SPAG16: variants seen among roughly 807,000 people sequenced by gnomAD.
The protein encoded by SPAG16 is sperm associated antigen 16.
In SPAG16, 86 loss-of-function variants were observed where a neutral mutation model predicts 80.4. The observed-to-expected ratio is 1.07, with a 90% CI of 0.90 to 1.28. SPAG16 has a LOEUF of 1.28. Ranked by LOEUF, SPAG16 falls within the 50% of genes most tolerant of loss-of-function variation. The pLI, the probability that SPAG16 is intolerant of heterozygous loss-of-function variation, is 0.00. For synonymous variants in SPAG16, 294 were observed against 265.9 expected (o/e 1.11, Z -1.03); for missense variants, 870 against 765.3 (o/e 1.14, Z -1.61).
At chr2:213,710,284 TAA>T (rs879808085) in intron 10 of SPAG16, among the ~76,000 whole-genome samples, 14 of 138,234 alleles carry the variant, frequency 1.0e-4, no homozygotes, top group Non-Finnish European at 1.4e-4. Context: ...AATCTGTCTT[TAA>T]AAAAAAAAAA....
At chr2:213,353,002 A>T (rs1039387926) in intron 7 of SPAG16, among the ~76,000 whole-genome samples, 3 of 152,190 alleles carry the variant, frequency 2.0e-5, no homozygotes, top group African/African-American at 7.2e-5. Flanking sequence ...TTCAAATGGC[A>T]TGCCCTTTTT....
At chr2:214,154,877 CA>C (rs1385428979) in intron 15 of SPAG16, among the ~76,000 whole-genome samples, 8 of 151,908 alleles carry the variant, frequency 5.3e-5, no homozygotes, top group Non-Finnish European at 1.2e-4. Context: ...TTGAAAGAAA[CA>C]AAAATGTATG....
chr2:213,403,704 C>T (rs1293932855), intron 9 of SPAG16, among the ~76,000 whole-genome samples: 1 of 152,062 alleles, frequency 6.6e-6, no homozygotes, highest in African/African-American at 2.4e-5. Flanking sequence ...AAGTTCTGGC[C>T]AGGGCAATCA....
At position 214,252,764 on chromosome 2, in the gene SPAG16, G is replaced by A. The variant is rs371034923; in HGVS notation, c.1720+103498G>A. The stretch of plus-strand genomic sequence containing the variant: ...AGTGCCGCAATAAACATAAGTGTGC[G>A]TGTGTCTTTATAGTAGAATGATTTA... On this transcript the variant is annotated intron_variant, in intron 15 of 15. Transcript: ENST00000331683. 5.6e-4 allele frequency among the ~76,000 whole-genome samples: 85 copies of A among 152,042 alleles called. 1 individual carries two copies. Among genetic ancestry groups the A allele is most frequent in the African/African-American group, 1.5e-3 (62 of 41,504 alleles).
intron 10 of SPAG16, among the ~76,000 whole-genome samples, chr2:213,743,320 C>T (rs1485399156): frequency 6.6e-6 from 1 of 152,152 alleles, no homozygotes; most frequent in East Asian, 1.9e-4. Context: ...AGAACAATGC[C>T]TGGCCCCTAT....
chr2:213,541,113 C>T (rs1006390694), intron 10 of SPAG16, among the ~76,000 whole-genome samples: 3 of 152,168 alleles, frequency 2.0e-5, no homozygotes, highest in Admixed American at 6.5e-5. Flanking sequence ...TTTTTTGACA[C>T]TTCTGTCATT....
chr2:213,422,211 A>T (rs2069638340), intron 9 of SPAG16: 1 of 701,412 alleles, frequency 1.4e-6, no homozygotes, highest in Non-Finnish European at 2.6e-6. Context: ...CAGTGCTGTG[A>T]CACCCTCTTT....
At chr2:214,235,198 C>A (rs1412580428) in intron 15 of SPAG16, among the ~76,000 whole-genome samples, 1 of 152,036 alleles carries the variant, frequency 6.6e-6, no homozygotes, top group African/African-American at 2.4e-5. Flanking sequence ...TTAATAGCAA[C>A]CTAAGTCCAA....
intron 15 of SPAG16, among the ~76,000 whole-genome samples, chr2:214,317,213 C>T (rs192701031): frequency 1.5e-4 from 23 of 152,194 alleles, no homozygotes; most frequent in African/African-American, 5.5e-4. Flanking sequence ...ATTTTCTGAC[C>T]AAGGTCACAC....
In SPAG16 at chr2:214,141,830, CAT is replaced by C. The variant is rs1194414879; in HGVS notation, c.1594-7309_1594-7308del. Among the ~76,000 whole-genome samples the C allele has an allele frequency of 4.6e-5, 7 of 152,270 alleles. No individual in the cohort carries two copies. In the East Asian group the frequency reaches 1.2e-3, roughly 25 times the overall value. Reference sequence around the variant, plus strand: ...ATATCTCTTCGTCCATAATATCCCACATTTTTCATTACACTCTGTTTAGGTGC... The same window carrying C: ...ATATCTCTTCGTCCATAATATCCCACTTTTCATTACACTCTGTTTAGGTGC... On this transcript the variant is annotated intron_variant, in intron 14 of 15. Transcript: ENST00000331683.
chr2:213,631,766 G>T (rs2062160687), intron 10 of SPAG16, among the ~76,000 whole-genome samples: 2 of 152,108 alleles, frequency 1.3e-5, no homozygotes, highest in African/African-American at 2.4e-5. Context: ...TATGTTCTTG[G>T]CACCTTTGTC....
chr2:214,371,574 T>C (rs1699818858), intron 15 of SPAG16, among the ~76,000 whole-genome samples: 1 of 151,738 alleles, frequency 6.6e-6, no homozygotes, highest in African/African-American at 2.4e-5. Flanking sequence ...TCATTAGTAT[T>C]TGCTTGGTTT....
At chr2:213,651,247 G>T (rs552958534) in intron 10 of SPAG16, among the ~76,000 whole-genome samples, 22 of 152,190 alleles carry the variant, frequency 1.4e-4, no homozygotes, top group Admixed American at 1.3e-3. Context: ...GCTGATTTTG[G>T]ATTTGATACT....
chr2:213,362,095 G>T lies in SPAG16; in HGVS notation c.763-1981G>T, dbSNP rs572083677. ...CCAGATGTTGGGCACAAGGGAAGAAGGAGGAGGTAAAACTTAAAGGCTGTT... is the reference window on the plus strand; with the variant it reads ...CCAGATGTTGGGCACAAGGGAAGAATGAGGAGGTAAAACTTAAAGGCTGTT... On this transcript the variant is annotated intron_variant, in intron 7 of 15. Transcript: ENST00000331683. Among the ~76,000 whole-genome samples the T allele has an allele frequency of 3.9e-5, 6 of 152,236 alleles. No homozygotes were observed. In the South Asian group the frequency reaches 1.2e-3, roughly 32 times the overall value.
chr2:213,863,319 G>C (rs947959824), intron 11 of SPAG16, among the ~76,000 whole-genome samples: 9 of 151,686 alleles, frequency 5.9e-5, no homozygotes, highest in Non-Finnish European at 1.3e-4. Flanking sequence ...CATAGTTCTT[G>C]GTGCTTTTCT....
chr2:214,074,413 A>G (rs1173438004), intron 13 of SPAG16, among the ~76,000 whole-genome samples: 1 of 152,240 alleles, frequency 6.6e-6, no homozygotes, highest in Non-Finnish European at 1.5e-5. Flanking sequence ...AATCCTAGAT[A>G]AACTATATAC....
At chr2:213,318,489 G>A (rs2063492258) in intron 5 of SPAG16, among the ~76,000 whole-genome samples, 1 of 151,930 alleles carries the variant, frequency 6.6e-6, no homozygotes, top group African/African-American at 2.4e-5. Context: ...AATAGATACT[G>A]GAGACTTTAA....
At chr2:213,321,161 A>G (rs1316090937) in intron 5 of SPAG16, among the ~76,000 whole-genome samples, 3 of 152,054 alleles carry the variant, frequency 2.0e-5, no homozygotes, top group African/African-American at 7.2e-5. Context: ...TTTAATACAC[A>G]AAAAAGTCAG....
At chr2:213,484,963 C>G (rs1455380731) in intron 9 of SPAG16, among the ~76,000 whole-genome samples, 1 of 151,018 alleles carries the variant, frequency 6.6e-6, no homozygotes, top group Non-Finnish European at 1.5e-5. Flanking sequence ...TATCTGATTG[C>G]TGTTAGAGTT....
Sources: allele counts gnomAD v4.1 joint callset (sites outside exome capture counted in the v4.1 genomes callset), GRCh38; gene constraint gnomAD v4.1.1; transcripts MANE v1.5; gene names NCBI Gene and HGNC (gene_info 2026-07-23, HGNC 2026-07-21).